HSPBP1: variants seen among roughly 807,000 people sequenced by gnomAD.
HSPBP1 encodes the protein hsp70-binding protein 1.
In HSPBP1, 31 loss-of-function variants were observed where a neutral mutation model predicts 41.7. The ratio of observed to expected loss-of-function variants is 0.74; its 90% CI spans 0.56 to 1.00. The LOEUF (loss-of-function observed/expected upper bound fraction) is 1.00. HSPBP1 is among the 50% of genes least tolerant of loss of function. The pLI, the probability that HSPBP1 is intolerant of heterozygous loss-of-function variation, is 0.00. For synonymous variants in HSPBP1, 199 were observed against 214.4 expected, an observed-to-expected ratio of 0.93 and a Z score of 0.63; for missense variants, 439 against 487.9, an observed-to-expected ratio of 0.90 and a Z score of 0.94.
chr19:55,275,530 C>T (rs1600151112), intron 3 of HSPBP1, among the ~76,000 whole-genome samples: 2 of 151,796 alleles, frequency 1.3e-5, no homozygotes, highest in African/African-American at 2.4e-5. Context: ...CGTGGTGGCT[C>T]AAGCCTATAA....
At chr19:55,275,862 C>T (rs946111479) in intron 3 of HSPBP1, among the ~76,000 whole-genome samples, 1 of 151,054 alleles carries the variant, frequency 6.6e-6, no homozygotes, top group South Asian at 2.1e-4. Flanking sequence ...GCAGGAGAAT[C>T]GTTTGAACCC....
In HSPBP1 at chr19:55,270,097, C is replaced by T. The variant is rs1407655456; in HGVS notation, c.641-3811G>A. ...TACTGGACAGCCACACAATGGCATA[C>T]CCTGCAGCCACCAAAAAAAAGGACA... is the stretch of plus-strand genomic sequence containing the variant. On this transcript the variant is annotated intron_variant, in intron 4 of 7. Transcript: ENST00000433386. The surrounding 1 kb of genome is among the most constrained non-coding windows in gnomAD (Gnocchi z 5.4). Among the ~76,000 whole-genome samples the T allele has an allele frequency of 6.6e-6, 1 of 152,160 alleles. No homozygotes were observed. The highest frequency in any genetic ancestry group is 2.4e-5 in the African/African-American group (1 of 41,450).
At position 55,265,809 on chromosome 19, in the gene HSPBP1, C is replaced by T; in HGVS notation, c.893+77G>A. ...GTCCCAACTCCTGAGTCCCTACGGG[C>T]TGATTCCTGAGCCACCCCCACCTTG... On this transcript the variant is annotated intron_variant, in intron 6 of 7. Coordinates refer to ENST00000433386, the MANE Select transcript of HSPBP1 (RefSeq NM_012267.5). 3.2e-6 allele frequency: 3 copies of T among 946,604 alleles called. No homozygotes were observed. The South Asian group carries it at 4.7e-5, about 15-fold the overall frequency. 58.6% of individuals were successfully genotyped at this position (946,604 alleles called of 1,614,324 possible).
chr19:55,279,081 T>C (rs918004315), intron 2 of HSPBP1, among the ~76,000 whole-genome samples: 1 of 152,026 alleles, frequency 6.6e-6, no homozygotes, highest in Non-Finnish European at 1.5e-5. Flanking sequence ...TTATTATTAT[T>C]ATCAATTTGT....
At chr19:55,264,255 C>G (rs1465531617) in intron 7 of HSPBP1, among the ~76,000 whole-genome samples, 1 of 152,146 alleles carries the variant, frequency 6.6e-6, no homozygotes, top group Non-Finnish European at 1.5e-5. Flanking sequence ...GCGTGAGCCA[C>G]CATGCCTGGC....
Position 55,279,518 on chromosome 19 carries a change from A to AGCCGCCGCCGCC in HSPBP1, c.79_90dup (p.Gly27_Gly30dup), listed in dbSNP as rs3040014. On this transcript the variant is annotated inframe_insertion, in exon 2 of 8. Transcript: ENST00000433386. The stretch of plus-strand genomic sequence containing the variant: ...GAATTGCCCGAGCCCCCAGCCGAGG[A>AGCCGCCGCCGCC]GCCGCCGCCGCCGCCCCCTGAAGAG... 9.0e-5 allele frequency: 144 copies of AGCCGCCGCCGCC among 1,597,860 alleles called. No individual in the cohort carries two copies. The East Asian group carries it at 1.5e-3, about 16-fold the overall frequency.
At chr19:55,269,134 C>T (rs532707955) in intron 4 of HSPBP1, among the ~76,000 whole-genome samples, 39 of 152,216 alleles carry the variant, frequency 2.6e-4, no homozygotes, top group African/African-American at 9.4e-4. Flanking sequence ...CACCTGGGCA[C>T]GGTTGGTATC....
intron 7 of HSPBP1, among the ~76,000 whole-genome samples, chr19:55,264,139 T>C (rs2087714320): frequency 6.6e-6 from 1 of 152,132 alleles, no homozygotes; most frequent in East Asian, 1.9e-4. Context: ...AGCTAATTTT[T>C]TGTATTTTTA....
At chr19:55,265,740 C>A in intron 6 of HSPBP1, 146 bp downstream of exon 6, 2 of 620,306 alleles carry the variant, frequency 3.2e-6, no homozygotes, top group Non-Finnish European at 5.7e-6. Context: ...GGCTCCCTGA[C>A]TCCTGCTCCT....
chr19:55,271,138 A>G (rs539034721), intron 4 of HSPBP1, among the ~76,000 whole-genome samples: 3 of 152,286 alleles, frequency 2.0e-5, no homozygotes, highest in African/African-American at 7.2e-5. Flanking sequence ...GTTTGGGGAC[A>G]GGGACCATTT....
rs371642586 is a variant in HSPBP1 at position 55,264,528 on chromosome 19, CTGA to C, written c.1005+747_1005+749del. Among the ~76,000 whole-genome samples, 114 of 152,258 alleles carry C rather than the reference CTGA, an allele frequency of 7.5e-4. 2 individuals are homozygous for C. In the East Asian group the frequency reaches 0.02, roughly 26 times the overall value. On this transcript the variant is annotated intron_variant, in intron 7 of 7. Transcript: ENST00000433386. The stretch of plus-strand genomic sequence containing the variant: ...ATTTGCCCCTTATCTAATTAAATAT[CTGA>C]TGACTTGTTATTTATCACTTGTTAT...
intron 7 of HSPBP1, among the ~76,000 whole-genome samples, chr19:55,264,191 ACTC>A (rs1423280634): frequency 1.3e-5 from 2 of 151,818 alleles, no homozygotes; most frequent in Non-Finnish European, 2.9e-5. Flanking sequence ...CTGGTCTCGA[ACTC>A]CTGACCTCAT....
intron 3 of HSPBP1, among the ~76,000 whole-genome samples, chr19:55,275,863 G>A (rs1452995040): frequency 2.6e-5 from 4 of 151,260 alleles, no homozygotes; most frequent in African/African-American, 7.3e-5. Flanking sequence ...CAGGAGAATC[G>A]TTTGAACCCG....
At chr19:55,279,240 C>T (rs543092494) in intron 2 of HSPBP1, among the ~76,000 whole-genome samples, 159 bp downstream of exon 2, 1 of 152,282 alleles carries the variant, frequency 6.6e-6, no homozygotes, top group African/African-American at 2.4e-5. Flanking sequence ...ATAACCCCAT[C>T]TAGCACAATT....
At chr19:55,279,243 G>A (rs986532196) in intron 2 of HSPBP1, among the ~76,000 whole-genome samples, 156 bp downstream of exon 2, 1 of 152,062 alleles carries the variant, frequency 6.6e-6, no homozygotes, top group Non-Finnish European at 1.5e-5. Context: ...ACCCCATCTA[G>A]CACAATTTAT....
At chr19:55,276,753 G>T (rs2122879101) in intron 3 of HSPBP1, among the ~76,000 whole-genome samples, 1 of 152,202 alleles carries the variant, frequency 6.6e-6, no homozygotes, top group African/African-American at 2.4e-5. Context: ...AAGCTAGAGG[G>T]TGGCGGCTGC....
rs563803048 is a variant in HSPBP1, at chr19:55,272,011, G to A, written c.640+2387C>T. 2.6e-5 allele frequency among the ~76,000 whole-genome samples: 4 copies of A among 151,920 alleles called. No individual in the cohort carries two copies. The highest frequency in any genetic ancestry group is 4.8e-5 in the African/African-American group (2 of 41,458). The stretch of plus-strand genomic sequence containing the variant: ...TGGGAGGTGGAGGTTGCAGTGAGCC[G>A]AGATTGCGCCACTGCACTCCAGCCT... On this transcript the variant is annotated intron_variant, in intron 4 of 7. Transcript: ENST00000433386. This position sits in a 1 kb window ranked among gnomAD's most constrained non-coding sequence, Gnocchi z 4.2.
intron 3 of HSPBP1, 34 bp downstream of exon 3, chr19:55,277,608 G>C (rs766920107): frequency 1.7e-5 from 27 of 1,581,538 alleles, no homozygotes; most frequent in Non-Finnish European, 2.3e-5. Context: ...CATGTACAGA[G>C]GGGCAGAACG....
At chr19:55,266,318 G>T in intron 4 of HSPBP1, 32 bp from the exon 5 acceptor site, 1 of 1,535,654 alleles carries the variant, frequency 6.5e-7, no homozygotes, top group Non-Finnish European at 8.8e-7. Flanking sequence ...TGAGCTTGCA[G>T]TCACCACCAC....
Sources: gnomAD v4.1 joint callset for allele counts (sites outside exome capture counted in the v4.1 genomes callset) on GRCh38, gnomAD v4.1.1 for gene constraint, Gnocchi (gnomAD v3.1) non-coding constraint, MANE v1.5 for transcripts, NCBI Gene and HGNC (gene_info 2026-07-23, HGNC 2026-07-21) for gene names.